The following ETFB variants were observed in gnomAD, a reference collection of about 807,000 sequenced individuals.
The protein encoded by ETFB is electron transfer flavoprotein subunit beta, also known as beta-ETF.
ETFB carries 20 observed loss-of-function variants against 25.6 expected under a neutral mutation model. The observed-to-expected ratio is 0.78, with a 90% CI of 0.55 to 1.14. The LOEUF (loss-of-function observed/expected upper bound fraction) is 1.14, where lower values mean the gene tolerates loss of function less well. Among genes scored for constraint, ETFB ranks in the 50% most tolerant of loss-of-function variants. The probability of loss-of-function intolerance (pLI) is 0.00; values close to 1 mark genes in which losing one functional copy is unlikely to be tolerated. For missense variants in ETFB, 286 were observed against 342.6 expected, an observed-to-expected ratio of 0.83 and a Z score of 1.30; for synonymous variants, 142 against 146.7, an observed-to-expected ratio of 0.97 and a Z score of 0.23.
chr19:51,345,967 C>T (rs1289678506), intron 5 of ETFB: 1 of 130,954 alleles, frequency 7.6e-6, no homozygotes, highest in Non-Finnish European at 1.6e-5. Context: ...AGAACCCTCC[C>T]TATAGGCTGA....
chr19:51,348,100 T>G (rs1000090873), intron 4 of ETFB: 1 of 152,202 alleles, frequency 6.6e-6, no homozygotes, highest in Admixed American at 6.5e-5. Flanking sequence ...GAATGAATTT[T>G]TACATTTTAT....
chr19:51,345,212 C>G lies in ETFB; in HGVS notation c.767G>C (p.Ter256SerextTer?). Reference sequence around the variant, plus strand: ...TTTATTGCCATCTCTGGGAGGGGCTCAAATCCGCCCAATCTCCTTCAGCTT... The same window carrying G: ...TTTATTGCCATCTCTGGGAGGGGCTGAAATCCGCCCAATCTCCTTCAGCTT... ...VAKLKEIGRI[*>S] The change falls in exon 6 of 6, where the codon TGA (stop) becomes TCA (serine). Residue 256 changes from the stop codon to serine (S), a stop_lost. Coordinates refer to ENST00000309244, the MANE Select transcript of ETFB (RefSeq NM_001985.3). 1 of 1,614,116 alleles carries G rather than the reference C, an allele frequency of 6.2e-7. No individual in the cohort carries two copies. Among genetic ancestry groups the G allele is most frequent in the Non-Finnish European group, 8.5e-7 (1 of 1,179,980 alleles).
At chr19:51,345,538 A>G in intron 5 of ETFB, 157 bp from the exon 6 acceptor site, 2 of 721,934 alleles carry the variant, frequency 2.8e-6, no homozygotes, top group Non-Finnish European at 4.9e-6. Context: ...TCACAGGGCC[A>G]CACCTGGTGT....
intron 1 of ETFB, chr19:51,354,826 G>C (rs772039240): frequency 1.6e-6 from 1 of 630,776 alleles, no homozygotes; most frequent in Non-Finnish European, 2.7e-6. Flanking sequence ...GCCCAGCACA[G>C]AAGCCTTTTG....
At chr19:51,359,691 A>G (rs949581386) in intron 1 of ETFB, among the ~76,000 whole-genome samples, 9 of 152,194 alleles carry the variant, frequency 5.9e-5, no homozygotes, top group African/African-American at 2.2e-4. Flanking sequence ...TATATTACAT[A>G]AGTCAGGAAA....
At position 51,354,175 on chromosome 19, in the gene ETFB, A is replaced by ACGG. The variant is rs1278945967; in HGVS notation, c.188_190dup (p.Ala63dup). The ACGG allele has an allele frequency of 6.2e-7, 1 of 1,613,976 alleles. No individual in the cohort carries two copies. The highest frequency in any genetic ancestry group is 2.2e-5 in the East Asian group (1 of 44,880). On this transcript the variant is annotated inframe_insertion, in exon 2 of 6. Transcript: ENST00000309244. The stretch of plus-strand genomic sequence containing the variant: ...CTGGCACTGTGCAGGCCCACAGCTG[A>ACGG]CGGCGATGACCTCCTTCACCAGCTT...
At chr19:51,363,791 G>A (rs1968242) in intron 1 of ETFB, among the ~76,000 whole-genome samples, 24,465 of 152,134 alleles carry the variant, frequency 0.16, 2,497 homozygotes, top group South Asian at 0.41. Context: ...TTGGAGTTGG[G>A]CAGGACAAAG....
intron 3 of ETFB, among the ~76,000 whole-genome samples, chr19:51,352,021 C>T (rs995817360): frequency 6.6e-6 from 1 of 151,962 alleles, no homozygotes; most frequent in African/African-American, 2.4e-5. Context: ...TGAGGTTTGC[C>T]CTCAAATGAG....
At chr19:51,352,697 G>C (rs1045632188) in intron 3 of ETFB, among the ~76,000 whole-genome samples, 1 of 152,102 alleles carries the variant, frequency 6.6e-6, no homozygotes, top group African/African-American at 2.4e-5. Context: ...GTGCGATCTT[G>C]TATCACTGCA....
intron 4 of ETFB, 73 bp from the exon 5 acceptor site, chr19:51,347,131 A>AC (rs1985817464): frequency 6.9e-7 from 1 of 1,454,494 alleles, no homozygotes; most frequent in African/African-American, 1.4e-5. Context: ...TGCTTATGCC[A>AC]CTACTGAGTA....
chr19:51,358,909 G>A (rs952475213), intron 1 of ETFB, among the ~76,000 whole-genome samples: 1 of 151,938 alleles, frequency 6.6e-6, no homozygotes, highest in Non-Finnish European at 1.5e-5. Context: ...TGAGGCGGGA[G>A]GATCACCTGA....
intron 1 of ETFB, among the ~76,000 whole-genome samples, chr19:51,359,537 C>A (rs985056846): frequency 6.6e-6 from 1 of 152,080 alleles, no homozygotes; most frequent in Non-Finnish European, 1.5e-5. Context: ...GCTCCTGATT[C>A]CCAGGCTCCT....
chr19:51,356,946 G>C (rs1228507962), intron 1 of ETFB: 1 of 152,040 alleles, frequency 6.6e-6, no homozygotes, highest in East Asian at 1.9e-4. Flanking sequence ...TGCGTGTCTA[G>C]TCTCCCTCTG....
chr19:51,350,418 A>T, intron 3 of ETFB, 27 bp from the exon 4 acceptor site: 1 of 1,205,290 alleles, frequency 8.3e-7, no homozygotes, highest in Non-Finnish European at 1.2e-6. Flanking sequence ...AGAAGACTGT[A>T]TGACAATCAG....
chr19:51,359,640 A>G (rs1986171644), intron 1 of ETFB, among the ~76,000 whole-genome samples: 1 of 152,228 alleles, frequency 6.6e-6, no homozygotes, highest in South Asian at 2.1e-4. Context: ...CATCTTCTCA[A>G]TTAAGCTTGA....
chr19:51,366,382 A>G lies in ETFB; in HGVS notation c.-56T>C. 2 of 1,538,994 alleles carry G rather than the reference A, an allele frequency of 1.3e-6. No individual in the cohort carries two copies. Among genetic ancestry groups the G allele is most frequent in the Non-Finnish European group, 1.8e-6 (2 of 1,129,254 alleles). ...CCGCACCCTCAGCGGCTCAGTCCAGAAGCCCCACCACCCCCGCCCCCCGCG... is the reference window on the plus strand; with the variant it reads ...CCGCACCCTCAGCGGCTCAGTCCAGGAGCCCCACCACCCCCGCCCCCCGCG... On this transcript the variant is annotated 5_prime_UTR_variant, in exon 1 of 6. Transcript: ENST00000309244.
At chr19:51,351,350 C>T (rs983673082) in intron 3 of ETFB, among the ~76,000 whole-genome samples, 3 of 152,256 alleles carry the variant, frequency 2.0e-5, no homozygotes, top group Admixed American at 6.5e-5. Context: ...GCCTACAGCT[C>T]ATATGTGACC....
intron 1 of ETFB, chr19:51,355,526 C>A (rs1459247898): frequency 6.6e-6 from 1 of 152,150 alleles, no homozygotes; most frequent in African/African-American, 2.4e-5. Flanking sequence ...TTGTGGAAGT[C>A]GGTGTGGTGA....
rs562624963 is a variant in ETFB at position 51,351,038 on chromosome 19, G to A, written c.376-647C>T. On this transcript the variant is annotated intron_variant, in intron 3 of 5. Transcript: ENST00000309244. ...TAAGCAGCCACTTGTCCAGGGACAT[G>A]TGGGGCCACCTGGCATCCCTGTCGT... 2.5e-4 allele frequency among the ~76,000 whole-genome samples: 38 copies of A among 152,368 alleles called. No individual in the cohort carries two copies. In the East Asian group the frequency reaches 4.6e-3, roughly 19 times the overall value.
Sources: allele counts gnomAD v4.1 joint callset (sites outside exome capture counted in the v4.1 genomes callset), GRCh38; gene constraint gnomAD v4.1.1; transcripts MANE v1.5; gene names NCBI Gene and HGNC (gene_info 2026-07-23, HGNC 2026-07-21).